Variants in ARHGAP12 observed in about 807,000 individuals in gnomAD.
The protein encoded by ARHGAP12 is Rho GTPase activating protein 12.
In ARHGAP12, 64 loss-of-function variants were observed where a neutral mutation model predicts 108.6. The observed-to-expected ratio is 0.59, with a 90% CI of 0.48 to 0.73. The LOEUF (loss-of-function observed/expected upper bound fraction) is 0.73, where lower values mean the gene tolerates loss of function less well. Ranked by LOEUF, ARHGAP12 falls within the 30% of genes least tolerant of loss-of-function variation. ARHGAP12 has a pLI of 0.00. For synonymous variants in ARHGAP12, 312 were observed against 337.2 expected (o/e 0.93, Z 0.82); for missense variants, 940 against 1,005.9 (o/e 0.93, Z 0.89).
At chr10:31,884,451 G>A (rs1049429553) in intron 3 of ARHGAP12, among the ~76,000 whole-genome samples, 2 of 152,004 alleles carry the variant, frequency 1.3e-5, no homozygotes, top group African/African-American at 4.8e-5. Context: ...TGGCCTTATA[G>A]ATATGTCGGA....
intron 10 of ARHGAP12, among the ~76,000 whole-genome samples, chr10:31,828,376 C>T (rs751229582): frequency 1.3e-5 from 2 of 151,814 alleles, no homozygotes; most frequent in Non-Finnish European, 2.9e-5. Context: ...ATAGATGGTG[C>T]TTTTTCTGTC....
At chr10:31,887,214 G>C (rs1311458609) in intron 3 of ARHGAP12, among the ~76,000 whole-genome samples, 1 of 152,132 alleles carries the variant, frequency 6.6e-6, no homozygotes, top group East Asian at 1.9e-4. Flanking sequence ...GTGGTCTGCT[G>C]GCTCAATTTC....
intron 4 of ARHGAP12, among the ~76,000 whole-genome samples, chr10:31,860,075 T>C (rs538357800): frequency 6.6e-6 from 1 of 152,292 alleles, no homozygotes; most frequent in East Asian, 1.9e-4. Context: ...TCCAGCCAAA[T>C]TTTCCTTTCT....
At chr10:31,921,671 G>A (rs1242075917) in intron 1 of ARHGAP12, among the ~76,000 whole-genome samples, 1 of 149,902 alleles carries the variant, frequency 6.7e-6, no homozygotes, top group Non-Finnish European at 1.5e-5. Flanking sequence ...GGCTGAGGCA[G>A]GAGAATGGCT....
chr10:31,877,928 C>CA (rs36029209), intron 3 of ARHGAP12, among the ~76,000 whole-genome samples: 1 of 152,018 alleles, frequency 6.6e-6, no homozygotes, highest in Non-Finnish European at 1.5e-5. Context: ...CCTGTCTCTA[C>CA]AAAAAATTAA....
chr10:31,907,434 G>A lies in ARHGAP12; in HGVS notation c.684+738C>T, dbSNP rs111474315. On this transcript the variant is annotated intron_variant, in intron 3 of 19. Coordinates refer to ENST00000344936, the MANE Select transcript of ARHGAP12 (RefSeq NM_018287.7). Reference sequence around the variant, plus strand: ...CTTGAGCCCAGGAAGTGACCAGCCTGGGCAACACAGTGAGATCCTGTCTCT... The same window carrying A: ...CTTGAGCCCAGGAAGTGACCAGCCTAGGCAACACAGTGAGATCCTGTCTCT... Among the ~76,000 whole-genome samples the A allele has an allele frequency of 3.5e-3, 531 of 150,676 alleles. 1 individual carries two copies. Among genetic ancestry groups the A allele is most frequent in the African/African-American group, 0.013 (515 of 41,032 alleles).
intron 15 of ARHGAP12, among the ~76,000 whole-genome samples, chr10:31,812,074 T>C (rs952467827): frequency 2.0e-5 from 3 of 152,224 alleles, no homozygotes; most frequent in Admixed American, 6.5e-5. Context: ...TAGACTATAT[T>C]ATCTTTACTT....
chr10:31,912,208 G>A (rs1839381578), intron 1 of ARHGAP12, among the ~76,000 whole-genome samples: 1 of 152,020 alleles, frequency 6.6e-6, no homozygotes, highest in South Asian at 2.1e-4. Context: ...TTTTTTCCAG[G>A]AAAGTAATAA....
chr10:31,878,535 A>G (rs1837819196), intron 3 of ARHGAP12, among the ~76,000 whole-genome samples: 2 of 152,240 alleles, frequency 1.3e-5, no homozygotes, highest in South Asian at 4.1e-4. Context: ...TGTATTTTAC[A>G]TTTATTAAAA....
chr10:31,829,465 A>C (rs1011600501), intron 10 of ARHGAP12, among the ~76,000 whole-genome samples: 3 of 152,184 alleles, frequency 2.0e-5, no homozygotes, highest in Admixed American at 2.0e-4. Flanking sequence ...TTAAGATAGC[A>C]AACTTATGTA....
At chr10:31,841,678 GGGT>G (rs1294341261) in intron 7 of ARHGAP12, among the ~76,000 whole-genome samples, 7 of 152,262 alleles carry the variant, frequency 4.6e-5, no homozygotes, top group African/African-American at 1.7e-4. Flanking sequence ...GATGTACAGT[GGGT>G]TAGGTGTATT....
intron 13 of ARHGAP12, among the ~76,000 whole-genome samples, chr10:31,816,794 G>T (rs1477326927): frequency 6.6e-6 from 1 of 152,102 alleles, no homozygotes. Context: ...TCTTATTTTG[G>T]TATTAAGATA....
chr10:31,908,377 T>C lies in ARHGAP12; in HGVS notation c.479A>G (p.Asn160Ser), dbSNP rs978856722. The C allele has an allele frequency of 8.7e-6, 14 of 1,614,116 alleles. No individual in the cohort carries two copies. The South Asian group carries it at 1.5e-4, about 18-fold the overall frequency. ...LDLTHNNGKF[N>S]NDSHSPKVSS... is the part of the protein sequence containing the mutation. ...AACTTTAGGAGAATGTGAGTCATTG[T>C]TAAACTTTCCGTTATTATGGGTCAG... Residue 160 changes from asparagine to serine, a missense_variant, in exon 3 of 20, where the codon AAC becomes AGC. Coordinates refer to ENST00000344936, the MANE Select transcript of ARHGAP12 (RefSeq NM_018287.7).
chr10:31,908,351 A>C lies in ARHGAP12; in HGVS notation c.505T>G (p.Ser169Ala), dbSNP rs925654712. 6.2e-7 allele frequency: 1 copy of C among 1,614,064 alleles called. No individual in the cohort carries two copies. The highest frequency in any genetic ancestry group is 1.3e-5 in the African/African-American group (1 of 74,930). The change falls in exon 3 of 20, where the codon TCC (serine) becomes GCC (alanine). Residue 169 changes from serine (S) to alanine (A), a missense_variant. Physicochemically the swap from Ser to Ala is moderately conservative, Grantham distance 99. Coordinates refer to ENST00000344936, the MANE Select transcript of ARHGAP12 (RefSeq NM_018287.7). ...FNNDSHSPKVSSQNRTRSFGH... is the reference protein window; with the variant it reads ...FNNDSHSPKVASQNRTRSFGH... ...AATGAGCGTGTCCTATTCTGGCTGG[A>C]AACTTTAGGAGAATGTGAGTCATTG... is the stretch of plus-strand genomic sequence containing the variant.
chr10:31,896,564 T>A (rs1209069531), intron 3 of ARHGAP12, among the ~76,000 whole-genome samples: 1 of 152,036 alleles, frequency 6.6e-6, no homozygotes, highest in Admixed American at 6.6e-5. Flanking sequence ...CTGGGAAACT[T>A]GATACTCAAG....
intron 3 of ARHGAP12, among the ~76,000 whole-genome samples, chr10:31,876,975 T>G (rs1354701062): frequency 6.6e-6 from 1 of 152,200 alleles, no homozygotes; most frequent in Non-Finnish European, 1.5e-5. Context: ...AATCCTCATC[T>G]GAAGACTCAA....
chr10:31,836,065 A>C (rs1836004450), intron 9 of ARHGAP12, among the ~76,000 whole-genome samples: 1 of 152,232 alleles, frequency 6.6e-6, no homozygotes, highest in Non-Finnish European at 1.5e-5. Context: ...AAAAAGAATT[A>C]AACATTCATG....
intron 3 of ARHGAP12, among the ~76,000 whole-genome samples, chr10:31,893,014 A>G (rs9417895): frequency 0.46 from 69,951 of 151,796 alleles, 16,401 homozygotes; most frequent in Middle Eastern, 0.51. Flanking sequence ...GGTACATAAC[A>G]AAATGAAGGC....
chr10:31,842,421 G>T (rs1836303906), intron 7 of ARHGAP12, among the ~76,000 whole-genome samples: 1 of 151,910 alleles, frequency 6.6e-6, no homozygotes, highest in African/African-American at 2.4e-5. Flanking sequence ...CCTTTAATGT[G>T]GTCTCTATAT....
Sources: allele counts gnomAD v4.1 joint callset (sites outside exome capture counted in the v4.1 genomes callset), GRCh38; gene constraint gnomAD v4.1.1; transcripts MANE v1.5; gene names NCBI Gene and HGNC (gene_info 2026-07-23, HGNC 2026-07-21).